FAM149A: variants seen among roughly 807,000 people sequenced by gnomAD.
FAM149A encodes family with sequence similarity 149 member A.
Under a neutral mutation model 78.2 loss-of-function variants are expected in FAM149A, and 71 were observed. The observed-to-expected ratio is 0.91, with a 90% CI of 0.75 to 1.11. FAM149A has a LOEUF of 1.11. Among genes scored for constraint, FAM149A ranks in the 50% least tolerant of loss-of-function variants. FAM149A has a pLI of 0.00. For missense variants in FAM149A, 1,036 were observed against 971.0 expected (o/e 1.07, Z -0.89); for synonymous variants, 446 against 410.5 (o/e 1.09, Z -1.04).
At chr4:186,128,104 C>T (rs1382625214) in intron 1 of FAM149A, among the ~76,000 whole-genome samples, 1 of 149,488 alleles carries the variant, frequency 6.7e-6, no homozygotes, top group Non-Finnish European at 1.5e-5. Context: ...AATTCTCCTG[C>T]CTCAGCCTCC....
chr4:186,167,167 T>C lies in FAM149A; in HGVS notation c.2140-17T>C. 6.2e-7 allele frequency: 1 copy of C among 1,607,622 alleles called. No homozygotes were observed. Among genetic ancestry groups the C allele is most frequent in the Non-Finnish European group, 8.5e-7 (1 of 1,174,840 alleles). On this transcript the variant is annotated splice_polypyrimidine_tract_variant and intron_variant, in intron 12 of 13. Transcript: ENST00000389354. Reference sequence around the variant, plus strand: ...AAAAAATGAAACTTGTCCCTGATTTTATTTTTCTTCCAGCAGTCGGATACG... The same window carrying C: ...AAAAAATGAAACTTGTCCCTGATTTCATTTTTCTTCCAGCAGTCGGATACG...
rs760901083 is a variant in FAM149A at position 186,163,436 on chromosome 4, G to A, written c.1692G>A (p.Glu564=). 1.2e-6 allele frequency: 2 copies of A among 1,613,356 alleles called. No homozygotes were observed. The highest frequency in any genetic ancestry group is 1.8e-4 in the Middle Eastern group (1 of 5,632). ...ATTTCCTTCCCAGGAATGAGAAGGAGGACAAAGCATCGGGTGGAGGGGCAG... is the reference window on the plus strand; with the variant it reads ...ATTTCCTTCCCAGGAATGAGAAGGAAGACAAAGCATCGGGTGGAGGGGCAG... The change falls in exon 10 of 14, where the codon GAG becomes GAA. Residue 564 remains glutamate (E), a synonymous_variant. Coordinates refer to ENST00000389354, the MANE Select transcript of FAM149A (RefSeq NM_001367768.3).
chr4:186,111,737 T>G (rs1324884806), intron 1 of FAM149A, among the ~76,000 whole-genome samples: 2 of 151,516 alleles, frequency 1.3e-5, no homozygotes, highest in African/African-American at 4.9e-5. Flanking sequence ...AGGGCTCTGT[T>G]CTGTTCCATT....
chr4:186,142,737 G>A (rs916804475), intron 1 of FAM149A, among the ~76,000 whole-genome samples: 2 of 152,210 alleles, frequency 1.3e-5, no homozygotes, highest in Non-Finnish European at 2.9e-5. Flanking sequence ...ACTGCATGGT[G>A]TAGACACATG....
intron 1 of FAM149A, among the ~76,000 whole-genome samples, chr4:186,138,985 G>A (rs1312993432): frequency 6.6e-6 from 1 of 152,116 alleles, no homozygotes; most frequent in Admixed American, 6.5e-5. Flanking sequence ...GTTCTTCTGT[G>A]GGAAATGTGC....
Position 186,174,084 on chromosome 4 carries a change from CT to C in FAM149A, c.*2112del, listed in dbSNP as rs111448527. On this transcript the variant is annotated 3_prime_UTR_variant, in exon 14 of 14. Transcript: ENST00000389354. ...TCCTTCCCTATTCAGTCCAAACTTC[CT>C]TTTTTTTTTTTTTTACTTGAAGTTC... Among the ~76,000 whole-genome samples, 7,792 of 93,652 alleles carry C rather than the reference CT, an allele frequency of 0.083. 1,891 individuals are homozygous for C. Among genetic ancestry groups the C allele is most frequent in the African/African-American group, 0.24 (7,001 of 29,690 alleles). The allele number at this position is 93,652 out of a possible 152,430, so 61.4% of individuals were successfully genotyped here.
At position 186,171,997 on chromosome 4, in the gene FAM149A, A is replaced by G. The variant is rs753727312; in HGVS notation, c.*10A>G. On this transcript the variant is annotated 3_prime_UTR_variant, in exon 14 of 14. Coordinates refer to ENST00000389354, the MANE Select transcript of FAM149A (RefSeq NM_001367768.3). ...CCAAGTGACATCTTGAAACCACCTC[A>G]CCAGAACCATTGGAGCACCTGTGGC... 2.5e-6 allele frequency: 4 copies of G among 1,609,928 alleles called. No individual in the cohort carries two copies. The South Asian group carries it at 3.3e-5, about 13-fold the overall frequency.
intron 8 of FAM149A, chr4:186,158,770 C>T: frequency 9.7e-7 from 1 of 1,035,530 alleles, no homozygotes; most frequent in Non-Finnish European, 1.2e-6. Flanking sequence ...GAGCACTCAG[C>T]CTGCCAGGCA....
chr4:186,125,672 G>A lies in FAM149A; in HGVS notation c.566+20030G>A, dbSNP rs930014964. 1.5e-5 allele frequency: 15 copies of A among 980,620 alleles called. No individual in the cohort carries two copies. The South Asian group carries it at 5.2e-4, about 34-fold the overall frequency. The allele number at this position is 980,620 out of a possible 1,614,324, so 60.7% of individuals were successfully genotyped here. On this transcript the variant is annotated intron_variant, in intron 1 of 13. Transcript: ENST00000389354. ...CATAAGGCACTCAGCAGAGCGCTTG[G>A]CTGAAATATGGGGCTTAATAAATGT...
At chr4:186,108,299 G>A (rs972270012) in intron 1 of FAM149A, among the ~76,000 whole-genome samples, 3 of 152,030 alleles carry the variant, frequency 2.0e-5, no homozygotes, top group Non-Finnish European at 2.9e-5. Flanking sequence ...CAAGAAATGC[G>A]GATCTAATTT....
intron 6 of FAM149A, 189 bp downstream of exon 6, chr4:186,154,827 G>A (rs185014511): frequency 8.1e-6 from 8 of 985,296 alleles, no homozygotes; most frequent in East Asian, 1.1e-4. Flanking sequence ...CGGGAGCAGC[G>A]AAGAGGGTGT....
chr4:186,149,306 A>T, intron 2 of FAM149A, 23 bp downstream of exon 2: 1 of 1,274,244 alleles, frequency 7.8e-7, no homozygotes, highest in Non-Finnish European at 1.0e-6. Context: ...CTTGCTTCAG[A>T]TTACAAAATC....
At chr4:186,158,741 C>A in intron 8 of FAM149A, 1 of 1,085,704 alleles carries the variant, frequency 9.2e-7, no homozygotes. Context: ...GCCTATTCAG[C>A]CGTCCCTACT....
At chr4:186,171,725 A>C (rs1460973130) in intron 13 of FAM149A, among the ~76,000 whole-genome samples, 189 bp from the exon 14 acceptor site, 1 of 152,146 alleles carries the variant, frequency 6.6e-6, no homozygotes, top group Non-Finnish European at 1.5e-5. Context: ...ATTTTGGGGG[A>C]GCACACTTCC....
intron 9 of FAM149A, 22 bp from the exon 10 acceptor site, chr4:186,163,402 G>T: frequency 6.2e-7 from 1 of 1,602,702 alleles, no homozygotes; most frequent in East Asian, 2.2e-5. Flanking sequence ...CAGCTGAGTA[G>T]CTCACAGGAT....
intron 1 of FAM149A, chr4:186,133,125 A>G: frequency 3.0e-6 from 3 of 985,376 alleles, no homozygotes; most frequent in Non-Finnish European, 3.6e-6. Context: ...GGAGTCATGT[A>G]TTGTCTCGAC....
chr4:186,137,623 G>A (rs2099324031), intron 1 of FAM149A, among the ~76,000 whole-genome samples: 1 of 151,850 alleles, frequency 6.6e-6, no homozygotes, highest in African/African-American at 2.4e-5. Flanking sequence ...GAGGGGAAAT[G>A]TTGACATCTG....
At chr4:186,110,636 T>C (rs1361036506) in intron 1 of FAM149A, among the ~76,000 whole-genome samples, 20 of 130,356 alleles carry the variant, frequency 1.5e-4, no homozygotes, top group Non-Finnish European at 2.7e-4. Flanking sequence ...TGAGTGAGAA[T>C]ATGCGGTGTT....
chr4:186,125,803 C>A, intron 1 of FAM149A: 2 of 985,286 alleles, frequency 2.0e-6, no homozygotes, highest in Non-Finnish European at 2.4e-6. Context: ...GAATACCCAA[C>A]CGTTTGGAAG....
Sources: allele counts gnomAD v4.1 joint callset (sites outside exome capture counted in the v4.1 genomes callset), GRCh38; gene constraint gnomAD v4.1.1; transcripts MANE v1.5; gene names NCBI Gene and HGNC (gene_info 2026-07-23, HGNC 2026-07-21).